GABRB1: variants seen among roughly 807,000 people sequenced by gnomAD.
The protein encoded by GABRB1 is gamma-aminobutyric acid type A receptor subunit beta1, also known as gamma-aminobutyric acid receptor subunit beta-1.
A neutral mutation model predicts 51.6 loss-of-function variants in GABRB1; 17 were observed. That is an observed-to-expected ratio of 0.33 (90% confidence interval 0.23 to 0.49). GABRB1 has a LOEUF of 0.49. GABRB1 is among the 20% of genes least tolerant of loss of function. The probability of loss-of-function intolerance (pLI) is 0.99; values close to 1 mark genes in which losing one functional copy is unlikely to be tolerated. For missense variants in GABRB1, 410 were observed against 600.6 expected (o/e 0.68, Z 3.32); for synonymous variants, 247 against 218.9 (o/e 1.13, Z -1.14).
chr4:47,135,863 G>A (rs1419938295), intron 3 of GABRB1, among the ~76,000 whole-genome samples: 3 of 151,844 alleles, frequency 2.0e-5, no homozygotes, highest in Non-Finnish European at 4.4e-5. Flanking sequence ...AATTCCCTAT[G>A]ATATTGAACA....
chr4:47,152,829 T>G (rs1334232814), intron 3 of GABRB1, among the ~76,000 whole-genome samples: 1 of 152,056 alleles, frequency 6.6e-6, no homozygotes, highest in African/African-American at 2.4e-5. Context: ...GGTCACCAAG[T>G]GCTGCCTTAA....
At chr4:47,391,504 C>T (rs1727990491) in intron 5 of GABRB1, among the ~76,000 whole-genome samples, 1 of 152,240 alleles carries the variant, frequency 6.6e-6, no homozygotes, top group Admixed American at 6.5e-5. Flanking sequence ...CACTGACTCT[C>T]AGCTAACTGG....
At chr4:47,311,876 A>G (rs969985658) in intron 4 of GABRB1, among the ~76,000 whole-genome samples, 3 of 152,128 alleles carry the variant, frequency 2.0e-5, no homozygotes, top group African/African-American at 2.4e-5. Flanking sequence ...TGGGAGTCCA[A>G]TGCCCTCCCC....
At chr4:47,332,939 C>T (rs1725539483) in intron 5 of GABRB1, among the ~76,000 whole-genome samples, 1 of 151,512 alleles carries the variant, frequency 6.6e-6, no homozygotes, top group Admixed American at 6.6e-5. Flanking sequence ...TCCATTTTTT[C>T]TCTCTAAAGT....
At chr4:47,025,032 A>G (rs536728263) in intron 1 of GABRB1, among the ~76,000 whole-genome samples, 1 of 148,350 alleles carries the variant, frequency 6.7e-6, no homozygotes, top group Non-Finnish European at 1.5e-5. Context: ...TCATTTTAAA[A>G]TTTACAATTA....
intron 3 of GABRB1, among the ~76,000 whole-genome samples, chr4:47,060,447 A>G (rs1726798197): frequency 6.6e-6 from 1 of 152,112 alleles, no homozygotes; most frequent in Non-Finnish European, 1.5e-5. Context: ...CCCTGTAAAC[A>G]TTTCTGTACT....
At chr4:47,377,043 TAA>T (rs11299443) in intron 5 of GABRB1, among the ~76,000 whole-genome samples, 3 of 151,706 alleles carry the variant, frequency 2.0e-5, no homozygotes, top group Admixed American at 1.3e-4. Context: ...TCTTTCAGGA[TAA>T]AAAAAAAGGG....
At position 47,300,126 on chromosome 4, in the gene GABRB1, A is replaced by T. The variant is rs1003753853; in HGVS notation, c.462-20001A>T. Among the ~76,000 whole-genome samples, 26 of 150,852 alleles carry T rather than the reference A, an allele frequency of 1.7e-4. 1 individual carries two copies. Among genetic ancestry groups the T allele is most frequent in the African/African-American group, 6.3e-4 (26 of 41,052 alleles). On this transcript the variant is annotated intron_variant, in intron 4 of 8. Transcript: ENST00000295454. ...GAGGGGGGAGGGATAGCATTAGGAGATATACCTAAGGCTAAATGACAAGTT... is the reference window on the plus strand; with the variant it reads ...GAGGGGGGAGGGATAGCATTAGGAGTTATACCTAAGGCTAAATGACAAGTT...
At chr4:47,063,447 G>A (rs1042366929) in intron 3 of GABRB1, among the ~76,000 whole-genome samples, 2 of 152,218 alleles carry the variant, frequency 1.3e-5, no homozygotes, top group African/African-American at 4.8e-5. Context: ...CTGTGTCCTT[G>A]GATTCCTACA....
intron 1 of GABRB1, among the ~76,000 whole-genome samples, chr4:47,013,820 G>A (rs1405660113): frequency 2.6e-5 from 4 of 152,156 alleles, no homozygotes; most frequent in Non-Finnish European, 5.9e-5. Flanking sequence ...GTGAAACTAT[G>A]ATAGAAGGAA....
chr4:47,383,452 T>C (rs1258614040), intron 5 of GABRB1, among the ~76,000 whole-genome samples: 1 of 151,720 alleles, frequency 6.6e-6, no homozygotes, highest in African/African-American at 2.4e-5. Context: ...TGAGAGTGAG[T>C]GAATAAGGGA....
intron 4 of GABRB1, among the ~76,000 whole-genome samples, chr4:47,306,971 A>C (rs989514786): frequency 3.3e-5 from 5 of 152,124 alleles, no homozygotes; most frequent in Admixed American, 3.3e-4. Context: ...CAAGTAGGGA[A>C]CTAGAAGTAT....
intron 4 of GABRB1, among the ~76,000 whole-genome samples, chr4:47,304,623 A>C (rs1423877175): frequency 6.6e-6 from 1 of 151,982 alleles, no homozygotes; most frequent in Non-Finnish European, 1.5e-5. Context: ...ATTGCTTTTG[A>C]CATAATTTTT....
chr4:47,237,340 A>T (rs1299803840), intron 4 of GABRB1, among the ~76,000 whole-genome samples: 1 of 152,022 alleles, frequency 6.6e-6, no homozygotes, highest in African/African-American at 2.4e-5. Context: ...GATTGAGAAA[A>T]ACCAGAGAAA....
intron 4 of GABRB1, among the ~76,000 whole-genome samples, chr4:47,265,164 C>G (rs939596465): frequency 5.9e-5 from 9 of 152,110 alleles, no homozygotes; most frequent in Non-Finnish European, 8.8e-5. Context: ...CATGTGTACA[C>G]ATTATTTAGC....
chr4:47,354,324 A>G (rs763214316), intron 5 of GABRB1, among the ~76,000 whole-genome samples: 1 of 152,204 alleles, frequency 6.6e-6, no homozygotes, highest in Non-Finnish European at 1.5e-5. Context: ...AACTGTATGA[A>G]CATTGTTCAC....
chr4:47,301,954 C>T (rs1330865182), intron 4 of GABRB1, among the ~76,000 whole-genome samples: 3 of 152,082 alleles, frequency 2.0e-5, no homozygotes, highest in Non-Finnish European at 4.4e-5. Flanking sequence ...GACATCTGGT[C>T]ATCTTTTTGG....
At chr4:47,290,489 A>G (rs1723685600) in intron 4 of GABRB1, among the ~76,000 whole-genome samples, 1 of 152,222 alleles carries the variant, frequency 6.6e-6, no homozygotes, top group Admixed American at 6.5e-5. Flanking sequence ...AATACACTCG[A>G]AAATGTGGAA....
chr4:47,293,123 G>T (rs1294664006), intron 4 of GABRB1, among the ~76,000 whole-genome samples: 1 of 152,018 alleles, frequency 6.6e-6, no homozygotes, highest in Non-Finnish European at 1.5e-5. Context: ...TTTTGTTGTT[G>T]TTGTTGTTGT....
Sources: allele counts gnomAD v4.1 joint callset (sites outside exome capture counted in the v4.1 genomes callset), GRCh38; gene constraint gnomAD v4.1.1; transcripts MANE v1.5; gene names NCBI Gene and HGNC (gene_info 2026-07-23, HGNC 2026-07-21).